PLEKHA1: variants seen among roughly 807,000 people sequenced by gnomAD.
PLEKHA1 encodes pleckstrin homology domain containing A1.
A neutral mutation model predicts 52.0 loss-of-function variants in PLEKHA1; 34 were observed. That is an observed-to-expected ratio of 0.65 (90% CI 0.50 to 0.87). The LOEUF (loss-of-function observed/expected upper bound fraction) is 0.87. Ranked by LOEUF, PLEKHA1 falls within the 40% of genes least tolerant of loss-of-function variation. PLEKHA1 has a pLI of 0.00. For missense variants in PLEKHA1, 497 were observed against 504.2 expected, an observed-to-expected ratio of 0.99 and a Z score of 0.14; for synonymous variants, 163 against 170.7, an observed-to-expected ratio of 0.95 and a Z score of 0.35.
chr10:122,394,218 GGGTGT>G lies in PLEKHA1; in HGVS notation c.141+879_141+883del, dbSNP rs1371882081. ...GCCTCCCGAGTAGCTGGGACTACAGGGGTGTGCCACCACACCTGGCTAATTTTTTG... is the reference window on the plus strand; with the variant it reads ...GCCTCCCGAGTAGCTGGGACTACAGGGCCACCACACCTGGCTAATTTTTTG... On this transcript the variant is annotated intron_variant, in intron 2 of 11. Coordinates refer to ENST00000368990, the MANE Select transcript of PLEKHA1 (RefSeq NM_001001974.4). Among the ~76,000 whole-genome samples the G allele has an allele frequency of 2.3e-4, 35 of 151,732 alleles. 1 individual carries two copies. In the East Asian group the frequency reaches 6.8e-3, roughly 29 times the overall value.
Position 122,415,894 on chromosome 10 carries a change from C to T in PLEKHA1, c.504C>T (p.Asp168=). 2 of 1,612,578 alleles carry T rather than the reference C, an allele frequency of 1.2e-6. No homozygotes were observed. Among genetic ancestry groups the T allele is most frequent in the Non-Finnish European group, 1.7e-6 (2 of 1,178,900 alleles). The stretch of plus-strand genomic sequence containing the variant: ...TAAATGAATGTGGTGAAAGTATTGA[C>T]AGAAATAATCTGAAACGGTCACAAA... ...EEVNECGESI[D]RNNLKRSQSH... Residue 168 remains aspartate, a synonymous_variant, in exon 7 of 12, where the codon GAC becomes GAT. Transcript: ENST00000368990.
At chr10:122,418,858 A>G (rs553117654) in intron 8 of PLEKHA1, 24 of 152,322 alleles carry the variant, frequency 1.6e-4, no homozygotes, top group African/African-American at 5.5e-4. Context: ...CTTTGTTTGA[A>G]TGAAGTCACC....
chr10:122,435,164 G>A (rs1439461807), downstream of PLEKHA1: 1 of 152,084 alleles, frequency 6.6e-6, no homozygotes, highest in Non-Finnish European at 1.5e-5. Context: ...AGTTGGTGAG[G>A]CAAGAAATAT....
At chr10:122,394,168 G>A (rs954149203) in intron 2 of PLEKHA1, among the ~76,000 whole-genome samples, 6 of 144,528 alleles carry the variant, frequency 4.2e-5, no homozygotes, top group East Asian at 4.0e-4. Context: ...TCTGCCTCCT[G>A]GGTTCAAGTG....
chr10:122,437,274 G>C (rs2097441966), downstream of PLEKHA1: 1 of 152,090 alleles, frequency 6.6e-6, no homozygotes, highest in South Asian at 2.1e-4. Context: ...GAAGAATTAA[G>C]GGTAATGACA....
At chr10:122,410,044 A>G (rs2097085864) in intron 5 of PLEKHA1, among the ~76,000 whole-genome samples, 1 of 152,144 alleles carries the variant, frequency 6.6e-6, no homozygotes, top group Non-Finnish European at 1.5e-5. Flanking sequence ...TGGCCTCCCA[A>G]AGTGCTGGGA....
In PLEKHA1 at chr10:122,426,155, C is replaced by T. The variant is rs181141531; in HGVS notation, c.811-787C>T. ...AAAAACATCTTTGTGCATTACTTTGCCTGATTTCTTTAGGGTAAGTTTCTA... is the reference window on the plus strand; with the variant it reads ...AAAAACATCTTTGTGCATTACTTTGTCTGATTTCTTTAGGGTAAGTTTCTA... On this transcript the variant is annotated intron_variant, in intron 10 of 11. Transcript: ENST00000368990. 7.6e-3 allele frequency among the ~76,000 whole-genome samples: 1,157 copies of T among 152,182 alleles called. 16 individuals carry two copies. Among genetic ancestry groups the T allele is most frequent in the Non-Finnish European group, 7.1e-3 (484 of 67,994 alleles).
chr10:122,414,230 C>T (rs1467608291), intron 6 of PLEKHA1, among the ~76,000 whole-genome samples: 1 of 151,988 alleles, frequency 6.6e-6, no homozygotes, highest in African/African-American at 2.4e-5. Flanking sequence ...AGACTATTTT[C>T]CTGTAGTTGT....
In PLEKHA1 at chr10:122,432,267, A is replaced by G. The variant is rs776423967; in HGVS notation, c.*2329A>G. On this transcript the variant is annotated 3_prime_UTR_variant, in exon 12 of 12. Transcript: ENST00000368990. ...AATGGGAATATATGTGTGCCTCCCAACATTTACTGTTAAAGTGTGTTATCT... is the reference window on the plus strand; with the variant it reads ...AATGGGAATATATGTGTGCCTCCCAGCATTTACTGTTAAAGTGTGTTATCT... 1 of 152,192 alleles carries G rather than the reference A, an allele frequency of 6.6e-6. No individual in the cohort carries two copies. The highest frequency in any genetic ancestry group is 1.5e-5 in the Non-Finnish European group (1 of 68,032). The allele number at this position is 152,192 out of a possible 1,614,324, so 9.4% of individuals were successfully genotyped here. A position where few individuals can be genotyped will look rare whatever the true frequency, so the allele number is the denominator to read the frequency against.
intron 10 of PLEKHA1, 134 bp from the exon 11 acceptor site, chr10:122,426,808 A>AT (rs1317737744): frequency 1.3e-6 from 1 of 765,158 alleles, no homozygotes; most frequent in Middle Eastern, 3.8e-4. Flanking sequence ...TGATTTCTAA[A>AT]TTTTTTGGAA....
Position 122,406,593 on chromosome 10 carries a change from A to G in PLEKHA1, c.262A>G (p.Arg88Gly). ...GTCAACAGTTATGAATGCAGGAATG[A>G]GGAAGTACTTCCTACAAGCCAATGA... ...EFCFVMNAGM[R>G]KYFLQANDQQ... The change falls in exon 5 of 12, where the codon AGG (arginine) becomes GGG (glycine). Residue 88 changes from arginine (R) to glycine (G), a missense_variant. Arg to Gly is a moderately radical substitution (Grantham distance 125). Transcript: ENST00000368990. 1 of 1,612,158 alleles carries G rather than the reference A, an allele frequency of 6.2e-7. No individual in the cohort carries two copies. Among genetic ancestry groups the G allele is most frequent in the South Asian group, 1.1e-5 (1 of 91,030 alleles).
intron 1 of PLEKHA1, among the ~76,000 whole-genome samples, chr10:122,385,971 A>G (rs962537289): frequency 1.3e-5 from 2 of 152,210 alleles, no homozygotes; most frequent in African/African-American, 4.8e-5. Context: ...TGGTGTGAAC[A>G]TAAGCCTTCA....
At chr10:122,395,383 T>A (rs2096836454) in intron 2 of PLEKHA1, among the ~76,000 whole-genome samples, 2 of 152,168 alleles carry the variant, frequency 1.3e-5, no homozygotes, top group African/African-American at 4.8e-5. Context: ...TATTAGCCAT[T>A]AGTACCAACT....
intron 11 of PLEKHA1, 128 bp from the exon 12 acceptor site, chr10:122,429,495 TG>T (rs1222311928): frequency 2.0e-4 from 10 of 49,708 alleles, no homozygotes; most frequent in African/African-American, 1.3e-3. Flanking sequence ...CTGCTGCCTT[TG>T]TGTGTGTGTG....
intron 1 of PLEKHA1, among the ~76,000 whole-genome samples, chr10:122,382,699 A>G (rs2096631230): frequency 6.6e-6 from 1 of 152,178 alleles, no homozygotes; most frequent in Non-Finnish European, 1.5e-5. Context: ...ATTCAGATGT[A>G]TTGTACACAG....
In PLEKHA1 at chr10:122,417,838, T is replaced by C; in HGVS notation, c.613-62T>C. On this transcript the variant is annotated intron_variant, in intron 7 of 11. Coordinates refer to ENST00000368990, the MANE Select transcript of PLEKHA1 (RefSeq NM_001001974.4). ...GTGGGTTCATATCAGGGTAATTAAG[T>C]GGTGACTAACATTTGACATTCTTAG... The C allele has an allele frequency of 1.6e-6, 2 of 1,275,106 alleles. 1 individual carries two copies. The allele number at this position is 1,275,106 out of a possible 1,614,324, so 79.0% of individuals were successfully genotyped here.
Position 122,395,925 on chromosome 10 carries a change from T to C in PLEKHA1, c.142-1993T>C, listed in dbSNP as rs377267619. Among the ~76,000 whole-genome samples, 15 of 152,286 alleles carry C rather than the reference T, an allele frequency of 9.8e-5. No homozygotes were observed. The South Asian group carries it at 3.1e-3, about 32-fold the overall frequency. Reference sequence around the variant, plus strand: ...TTGGCAAAATGAGTTTAGGAACTCATAATCAACAAATGGCCTATTTCCCTT... The same window carrying C: ...TTGGCAAAATGAGTTTAGGAACTCACAATCAACAAATGGCCTATTTCCCTT... On this transcript the variant is annotated intron_variant, in intron 2 of 11. Transcript: ENST00000368990.
intron 5 of PLEKHA1, among the ~76,000 whole-genome samples, chr10:122,408,335 T>G (rs2097055101): frequency 6.6e-6 from 1 of 152,186 alleles, no homozygotes; most frequent in Non-Finnish European, 1.5e-5. Flanking sequence ...TGAAACAGTC[T>G]TATACAAATG....
At chr10:122,428,209 A>G (rs910818299) in intron 11 of PLEKHA1, 1 of 1,378,968 alleles carries the variant, frequency 7.3e-7, no homozygotes. Context: ...TGTCAGCACA[A>G]CTTTCTCTTT....
Sources: allele counts gnomAD v4.1 joint callset (sites outside exome capture counted in the v4.1 genomes callset), GRCh38; gene constraint gnomAD v4.1.1; transcripts MANE v1.5; gene names NCBI Gene and HGNC (gene_info 2026-07-23, HGNC 2026-07-21).